Variants in NRXN2 observed in about 807,000 individuals in gnomAD.
The protein encoded by NRXN2 is neurexin-2-beta.
A neutral mutation model predicts 128.8 loss-of-function variants in NRXN2; 29 were observed. The observed-to-expected ratio is 0.23, with a 90% CI of 0.17 to 0.31. NRXN2 has a LOEUF of 0.31. NRXN2 is among the 10% of genes least tolerant of loss of function. The pLI, the probability that NRXN2 is intolerant of heterozygous loss-of-function variation, is 1.00. For missense variants in NRXN2, 1,881 were observed against 2,452.6 expected, an observed-to-expected ratio of 0.77 and a Z score of 4.92; for synonymous variants, 1,098 against 1,075.2, an observed-to-expected ratio of 1.02 and a Z score of -0.41.
In NRXN2 at chr11:64,667,330, C is replaced by T. The variant is rs1176169450; in HGVS notation, c.1718G>A (p.Gly573Asp). The change falls in exon 9 of 23, where the codon GGC becomes GAC. Residue 573 changes from glycine (G) to aspartate (D), a missense_variant. Coordinates refer to ENST00000265459, the MANE Select transcript of NRXN2 (RefSeq NM_015080.4). This position sits in a 1 kb window ranked among gnomAD's most constrained non-coding sequence, Gnocchi z 5.6. ...LYLLLDMGSG[G>D]IKLRASSRKV... ...GCGGCTGGATGCCCGCAGCTTGATG[C>T]CCCCAGATCCCATGTCCAGCAGAAG... is the stretch of plus-strand genomic sequence containing the variant. The T allele has an allele frequency of 5.6e-6, 9 of 1,614,212 alleles. No individual in the cohort carries two copies. Among genetic ancestry groups the T allele is most frequent in the African/African-American group, 1.3e-5 (1 of 75,056 alleles).
At chr11:64,720,546 G>T (rs1030248285) in intron 1 of NRXN2, among the ~76,000 whole-genome samples, 1 of 152,202 alleles carries the variant, frequency 6.6e-6, no homozygotes, top group Non-Finnish European at 1.5e-5. Context: ...ACTGGGAAGG[G>T]TCGTGGTTGT....
intron 2 of NRXN2, among the ~76,000 whole-genome samples, chr11:64,707,937 T>C (rs2056510294): frequency 6.6e-6 from 1 of 151,962 alleles, no homozygotes; most frequent in South Asian, 2.1e-4. Context: ...CTACTAAAAA[T>C]ACAAAATTAG....
At chr11:64,610,758 G>A (rs1400111009) in intron 22 of NRXN2, among the ~76,000 whole-genome samples, 1 of 152,132 alleles carries the variant, frequency 6.6e-6, no homozygotes, top group African/African-American at 2.4e-5. Context: ...CAGGTAAGGG[G>A]CAAACTCAGC....
In NRXN2 at chr11:64,651,433, C is replaced by T; in HGVS notation, c.2740G>A (p.Ala914Thr). 1 of 1,614,188 alleles carries T rather than the reference C, an allele frequency of 6.2e-7. No individual in the cohort carries two copies. Among genetic ancestry groups the T allele is most frequent in the African/African-American group, 1.3e-5 (1 of 75,052 alleles). The change falls in exon 14 of 23, where the codon GCC (alanine) becomes ACC (threonine). Residue 914 changes from alanine to threonine, a missense_variant. By Grantham distance (58) the Ala-to-Thr change is moderately conservative. Transcript: ENST00000265459. This position sits in a 1 kb window ranked among gnomAD's most constrained non-coding sequence, Gnocchi z 5.9. ...AAGGTGACGGGATCGGCCACGATGG[C>T]ACGCAGGCCAAAGCGAGCATTGAGC... ...CELNARFGLR[A>T]IVADPVTFKS...
At position 64,648,301 on chromosome 11, in the gene NRXN2, G is replaced by A. The variant is rs1039149926; in HGVS notation, c.3321C>T (p.Asn1107=). Residue 1107 remains asparagine (N), a synonymous_variant, in exon 17 of 23, where the codon AAC becomes AAT. Transcript: ENST00000265459. This position sits in a 1 kb window ranked among gnomAD's most constrained non-coding sequence, Gnocchi z 4.1. ...CCCACTGCTGCAAGCAGACGCCCTG[G>A]TTGGCACAGGACTCTTCAGTGCAGG... is the stretch of plus-strand genomic sequence containing the variant. The part of the protein sequence containing the change: ...STTCTEESCA[N]QGVCLQQWDG... 6 of 1,614,116 alleles carry A rather than the reference G, an allele frequency of 3.7e-6. No homozygotes were observed. The highest frequency in any genetic ancestry group is 2.2e-5 in the South Asian group (2 of 91,092).
intron 11 of NRXN2, among the ~76,000 whole-genome samples, chr11:64,658,198 C>T (rs987328791): frequency 6.6e-6 from 1 of 152,210 alleles, no homozygotes; most frequent in Non-Finnish European, 1.5e-5. Flanking sequence ...ATTTTTCCTG[C>T]TGTGTCCCCA....
At chr11:64,700,311 C>T (rs922479414) in intron 2 of NRXN2, among the ~76,000 whole-genome samples, 1 of 152,334 alleles carries the variant, frequency 6.6e-6, no homozygotes, top group South Asian at 2.1e-4. Flanking sequence ...AACTCCACCA[C>T]TGAAGCCATT....
At chr11:64,612,516 C>A (rs1009233560) in intron 22 of NRXN2, among the ~76,000 whole-genome samples, 3 of 152,232 alleles carry the variant, frequency 2.0e-5, no homozygotes, top group African/African-American at 7.2e-5. Context: ...CATGTGGGCC[C>A]CACTTACTAG....
intron 22 of NRXN2, among the ~76,000 whole-genome samples, chr11:64,618,610 T>C (rs533934516): frequency 5.9e-5 from 9 of 152,060 alleles, no homozygotes; most frequent in Non-Finnish European, 8.8e-5. Context: ...GGGCAGGGGG[T>C]ACTGTGTGTT....
In NRXN2 at chr11:64,667,652, A is replaced by T; in HGVS notation, c.1396T>A (p.Ser466Thr). Residue 466 changes from serine (S) to threonine (T), a missense_variant, in exon 9 of 23, where the codon TCC becomes ACC. Physicochemically the swap from Ser to Thr is moderately conservative, Grantham distance 58. Around this residue, in one of 7 missense-constraint regions of NRXN2, gnomAD observed 997 missense variants for 1,240.8 expected, o/e 0.80. Transcript: ENST00000265459. The surrounding 1 kb of genome is among the most constrained non-coding windows in gnomAD (Gnocchi z 5.6). ...YKNNDFKLEL[S>T]RLAKEGDPKM... is the part of the protein sequence containing the mutation. ...GGGTCCCCTTCCTTTGCCAGGCGGG[A>T]TAGTTCCAATTTGAAGTCATTGTTC... The T allele has an allele frequency of 6.2e-7, 1 of 1,614,130 alleles. No individual in the cohort carries two copies. The highest frequency in any genetic ancestry group is 1.6e-4 in the Middle Eastern group (1 of 6,062).
rs2043090853 is a variant in NRXN2 at position 64,626,549 on chromosome 11, T to C, written c.3761A>G (p.Asn1254Ser). The part of the protein sequence containing the change: ...WPVNERYPAG[N>S]FDNERLAIAR... ...AATCGCCAGGCGCTCGTTATCAAAG[T>C]TTCCTTGGAAAAGTTTAGAAAGACA... The change falls in exon 20 of 23, where the codon AAC (asparagine) becomes AGC (serine). Residue 1254 changes from asparagine to serine, a missense_variant. By Grantham distance (46) the Asn-to-Ser change is conservative (BLOSUM62 1). Transcript: ENST00000265459. 6.2e-7 allele frequency: 1 copy of C among 1,613,698 alleles called. No individual in the cohort carries two copies. The highest frequency in any genetic ancestry group is 8.5e-7 in the Non-Finnish European group (1 of 1,179,770).
chr11:64,715,523 C>A (rs568820940), intron 1 of NRXN2, among the ~76,000 whole-genome samples: 44 of 152,282 alleles, frequency 2.9e-4, no homozygotes, highest in African/African-American at 1.1e-3. Context: ...CCCTAAAAAA[C>A]CATAGTGAGG....
chr11:64,635,508 G>C lies in NRXN2; in HGVS notation c.3404-56C>G. The stretch of plus-strand genomic sequence containing the variant: ...AAATGACATCAGGAGGACGAGGTCA[G>C]CAGGTCCTCAGGGTTGTGACCAGAG... On this transcript the variant is annotated intron_variant, in intron 17 of 22. Coordinates refer to ENST00000265459, the MANE Select transcript of NRXN2 (RefSeq NM_015080.4). This position sits in a 1 kb window ranked among gnomAD's most constrained non-coding sequence, Gnocchi z 4.8. 1 of 1,580,962 alleles carries C rather than the reference G, an allele frequency of 6.3e-7. No homozygotes were observed. The highest frequency in any genetic ancestry group is 1.1e-5 in the South Asian group (1 of 89,276).
chr11:64,689,595 T>C (rs1405950064), intron 5 of NRXN2, among the ~76,000 whole-genome samples: 1 of 152,128 alleles, frequency 6.6e-6, no homozygotes, highest in Non-Finnish European at 1.5e-5. Context: ...CTCAAGGAGC[T>C]TGGTCTAGTT....
At chr11:64,699,447 T>TTTTTTTA (rs2055012302) in intron 2 of NRXN2, among the ~76,000 whole-genome samples, 1 of 146,446 alleles carries the variant, frequency 6.8e-6, no homozygotes, top group African/African-American at 2.6e-5. Flanking sequence ...TTTTTTTTTT[T>TTTTTTTA]GAGATGGAGT....
intron 18 of NRXN2, among the ~76,000 whole-genome samples, chr11:64,634,743 C>T (rs549054888): frequency 3.9e-5 from 6 of 151,984 alleles, no homozygotes; most frequent in East Asian, 3.9e-4. Context: ...GCAAAGGTCA[C>T]GGAAGCAGAA....
intron 22 of NRXN2, among the ~76,000 whole-genome samples, chr11:64,612,102 C>T (rs1251392847): frequency 6.6e-6 from 1 of 152,206 alleles, no homozygotes; most frequent in Non-Finnish European, 1.5e-5. Context: ...CTGGGGCAAT[C>T]AAGTCACCTA....
chr11:64,662,085 T>C (rs2049103796), intron 9 of NRXN2, among the ~76,000 whole-genome samples: 1 of 125,562 alleles, frequency 8.0e-6, no homozygotes, highest in Admixed American at 8.2e-5. Flanking sequence ...AAACTCCATC[T>C]CTACTAAAAA....
Position 64,607,260 on chromosome 11 carries a change from G to A in NRXN2, c.5075C>T (p.Ala1692Val), listed in dbSNP as rs1456203350. ...GCTGGGCGTCTTGGGGGCAGCCGGG[G>A]CCTTCTCTTTCACCACCGCCCCATT... is the stretch of plus-strand genomic sequence containing the variant. Reference protein sequence around the residue: ...QSNGAVVKEKAPAAPKTPSKA... With the variant: ...QSNGAVVKEKVPAAPKTPSKA... The change falls in exon 23 of 23, where the codon GCC (alanine) becomes GTC (valine). Residue 1692 changes from alanine to valine, a missense_variant. By Grantham distance (64) the Ala-to-Val change is moderately conservative. This residue lies in a region of NRXN2 where 63 missense variants were observed against 76.0 expected (regional missense o/e 0.83). Coordinates refer to ENST00000265459, the MANE Select transcript of NRXN2 (RefSeq NM_015080.4). 1.1e-5 allele frequency: 18 copies of A among 1,613,954 alleles called. No individual in the cohort carries two copies. In the East Asian group the frequency reaches 3.3e-4, roughly 30 times the overall value.
Sources: gnomAD v4.1 joint callset for allele counts (sites outside exome capture counted in the v4.1 genomes callset) on GRCh38, gnomAD v4.1.1 for gene constraint, gnomAD v4.1.1 regional missense constraint, Gnocchi (gnomAD v3.1) non-coding constraint, MANE v1.5 for transcripts, NCBI Gene and HGNC (gene_info 2026-07-23, HGNC 2026-07-21) for gene names.